The following P4HA2 variants were observed in gnomAD, a reference collection of about 807,000 sequenced individuals.
The protein encoded by P4HA2 is prolyl 4-hydroxylase subunit alpha-2.
A neutral mutation model predicts 76.9 loss-of-function variants in P4HA2; 46 were observed. The ratio of observed to expected loss-of-function variants is 0.60; its 90% CI spans 0.47 to 0.76. The LOEUF (loss-of-function observed/expected upper bound fraction) is 0.76, where lower values mean the gene tolerates loss of function less well. P4HA2 is among the 30% of genes least tolerant of loss of function. The probability of loss-of-function intolerance (pLI) is 0.00; values close to 1 mark genes in which losing one functional copy is unlikely to be tolerated. For missense variants in P4HA2, 583 were observed against 669.4 expected (o/e 0.87, Z 1.42); for synonymous variants, 243 against 254.0 (o/e 0.96, Z 0.41).
chr5:132,217,693 T>C (rs753317586), intron 3 of P4HA2, 59 bp downstream of exon 3: 2 of 1,069,522 alleles, frequency 1.9e-6, no homozygotes, highest in African/African-American at 3.1e-5. Flanking sequence ...GGCTTCCTTG[T>C]TCCTTGAGGG....
intron 1 of P4HA2, among the ~76,000 whole-genome samples, chr5:132,219,782 GC>G (rs375959259): frequency 6.6e-6 from 1 of 151,882 alleles, no homozygotes; most frequent in Non-Finnish European, 1.5e-5. Flanking sequence ...TCAGTTTTTT[GC>G]CCGCCATACT....
Position 132,204,075 on chromosome 5 carries a change from T to C in P4HA2, c.1151+7A>G. 6.2e-7 allele frequency: 1 copy of C among 1,611,398 alleles called. No individual in the cohort carries two copies. The highest frequency in any genetic ancestry group is 2.2e-5 in the East Asian group (1 of 44,872). ...TGAGCAGCTACGAACCCCTGCTCTT[T>C]GCTTACCTTTTGGAAACCCGGTAGC... is the stretch of plus-strand genomic sequence containing the variant. On this transcript the variant is annotated splice_region_variant and intron_variant, in intron 9 of 14. Transcript: ENST00000360568.
intron 1 of P4HA2, among the ~76,000 whole-genome samples, chr5:132,226,124 G>C (rs1208240008): frequency 6.6e-6 from 1 of 152,186 alleles, no homozygotes; most frequent in Non-Finnish European, 1.5e-5. Context: ...GGCAGTTTAA[G>C]TACAAGCCAA....
chr5:132,198,461 G>A (rs1751016021), intron 11 of P4HA2, 81 bp from the exon 12 acceptor site: 4 of 1,291,450 alleles, frequency 3.1e-6, no homozygotes, highest in Non-Finnish European at 4.4e-6. Flanking sequence ...AAGGGTCAGG[G>A]AAAAGTAATA....
chr5:132,215,468 C>T (rs1295689808), intron 4 of P4HA2, among the ~76,000 whole-genome samples: 7 of 152,190 alleles, frequency 4.6e-5, no homozygotes, highest in African/African-American at 1.4e-4. Flanking sequence ...CAGGCCCAGG[C>T]GGAGAGGCGG....
chr5:132,215,476 C>T (rs1382105567), intron 4 of P4HA2, among the ~76,000 whole-genome samples: 4 of 152,148 alleles, frequency 2.6e-5, no homozygotes, highest in East Asian at 3.8e-4. Flanking sequence ...GGCGGAGAGG[C>T]GGGAGTCTGG....
Position 132,217,741 on chromosome 5 carries a change from A to T in P4HA2, c.179+11T>A. 1 of 1,521,458 alleles carries T rather than the reference A, an allele frequency of 6.6e-7. No homozygotes were observed. Among genetic ancestry groups the T allele is most frequent in the Non-Finnish European group, 9.1e-7 (1 of 1,095,652 alleles). 94.2% of individuals were successfully genotyped at this position (1,521,458 alleles called of 1,614,324 possible). ...GAAGGCCAACTAAGGATGGTTGGGG[A>T]CTTAGGACACCTCTTAATCTTGGAA... On this transcript the variant is annotated intron_variant, in intron 3 of 14. Transcript: ENST00000360568.
chr5:132,210,819 G>A (rs1328224855), intron 5 of P4HA2, among the ~76,000 whole-genome samples: 1 of 152,170 alleles, frequency 6.6e-6, no homozygotes, highest in Non-Finnish European at 1.5e-5. Flanking sequence ...GCATTGTTGA[G>A]GACAGTGGGA....
At chr5:132,199,666 C>T (rs1751206634) in intron 10 of P4HA2, 1 of 152,258 alleles carries the variant, frequency 6.6e-6, no homozygotes, top group Admixed American at 6.5e-5. Flanking sequence ...CGTCAGTAGA[C>T]AGAATGAGAG....
At chr5:132,210,638 C>T in intron 5 of P4HA2, 115 bp from the exon 6 acceptor site, 1 of 997,494 alleles carries the variant, frequency 1.0e-6, no homozygotes, top group Non-Finnish European at 1.6e-6. Context: ...AAGCAGAACT[C>T]CATCGGACAT....
At chr5:132,217,069 G>T in intron 4 of P4HA2, 128 bp downstream of exon 4, 1 of 811,028 alleles carries the variant, frequency 1.2e-6, no homozygotes. Context: ...CATGAGACCA[G>T]CAGGGTCCTG....
chr5:132,212,987 C>T (rs951864258), intron 5 of P4HA2, among the ~76,000 whole-genome samples: 1 of 152,312 alleles, frequency 6.6e-6, no homozygotes, highest in South Asian at 2.1e-4. Context: ...GAGCCTCACA[C>T]AGTGAATCGC....
Position 132,190,772 on chromosome 5 carries a change from T to G in P4HA2, c.*2238A>C, listed in dbSNP as rs1407473188. On this transcript the variant is annotated 3_prime_UTR_variant, in exon 15 of 15. Coordinates refer to ENST00000360568, the MANE Select transcript of P4HA2 (RefSeq NM_001017974.2). ...TTATCAAAAGACAGAACTAAAATAG[T>G]GAAAAGACAAGCCACAGAAGATATT... Among the ~76,000 whole-genome samples, 2 of 151,864 alleles carry G rather than the reference T, an allele frequency of 1.3e-5. No homozygotes were observed. The highest frequency in any genetic ancestry group is 2.9e-5 in the Non-Finnish European group (2 of 67,936).
rs1750084994 is a variant in P4HA2 at position 132,193,091 on chromosome 5, A to C, written c.1532-11T>G. 1.2e-6 allele frequency: 2 copies of C among 1,604,592 alleles called. No individual in the cohort carries two copies. Among genetic ancestry groups the C allele is most frequent in the Non-Finnish European group, 1.7e-6 (2 of 1,171,364 alleles). On this transcript the variant is annotated splice_polypyrimidine_tract_variant and intron_variant, in intron 14 of 14. Coordinates refer to ENST00000360568, the MANE Select transcript of P4HA2 (RefSeq NM_001017974.2). ...ACCACTTATTGGAGACTGTGAAAAG[A>C]AAGCAAGCATGTTACAATCCTATTG...
rs1580624287 is a variant in P4HA2 at position 132,191,510 on chromosome 5, T to C, written c.*1500A>G. On this transcript the variant is annotated 3_prime_UTR_variant, in exon 15 of 15. Transcript: ENST00000360568. ...CTGGGCGACAGAGCGAGACTCCGTCTCAAAAAAAAAAAAAAAAAAAAAGAT... is the reference window on the plus strand; with the variant it reads ...CTGGGCGACAGAGCGAGACTCCGTCCCAAAAAAAAAAAAAAAAAAAAAGAT... Among the ~76,000 whole-genome samples, 1 of 77,012 alleles carries C rather than the reference T, an allele frequency of 1.3e-5. No homozygotes were observed. Among genetic ancestry groups the C allele is most frequent in the Non-Finnish European group, 2.2e-5 (1 of 44,824 alleles). 50.5% of individuals were successfully genotyped at this position (77,012 alleles called of 152,430 possible). A position where few individuals can be genotyped will look rare whatever the true frequency, so the allele number is the denominator to read the frequency against.
intron 1 of P4HA2, among the ~76,000 whole-genome samples, chr5:132,220,908 G>A (rs1259092781): frequency 6.6e-6 from 1 of 152,194 alleles, no homozygotes; most frequent in Non-Finnish European, 1.5e-5. Flanking sequence ...CTGCTAGCCT[G>A]GAGAGCTGGG....
At chr5:132,226,098 C>T (rs760975096) in intron 1 of P4HA2, among the ~76,000 whole-genome samples, 1 of 152,202 alleles carries the variant, frequency 6.6e-6, no homozygotes, top group Non-Finnish European at 1.5e-5. Flanking sequence ...AGAGGCTGCA[C>T]CTTGGACACC....
chr5:132,205,828 C>A (rs1028387770), intron 8 of P4HA2, among the ~76,000 whole-genome samples: 6 of 152,202 alleles, frequency 3.9e-5, no homozygotes, highest in African/African-American at 1.4e-4. Context: ...ATCCAAACAT[C>A]TGTGCCTCAG....
At chr5:132,198,087 C>T in intron 12 of P4HA2, 1 of 1,489,036 alleles carries the variant, frequency 6.7e-7, no homozygotes. Flanking sequence ...GTGCTGAGAG[C>T]CAGAAGGACC....
Sources: gnomAD v4.1 joint callset for allele counts (sites outside exome capture counted in the v4.1 genomes callset) on GRCh38, gnomAD v4.1.1 for gene constraint, MANE v1.5 for transcripts, NCBI Gene and HGNC (gene_info 2026-07-23, HGNC 2026-07-21) for gene names.